MACROD2: variants seen among roughly 807,000 people sequenced by gnomAD.
MACROD2 encodes the protein ADP-ribose glycohydrolase MACROD2.
A neutral mutation model predicts 70.4 loss-of-function variants in MACROD2; 36 were observed. That is an observed-to-expected ratio of 0.51 (90% CI 0.39 to 0.68). The LOEUF is 0.68. Among genes scored for constraint, MACROD2 ranks in the 30% least tolerant of loss-of-function variants. The probability of loss-of-function intolerance (pLI) is 0.00; values close to 1 mark genes in which losing one functional copy is unlikely to be tolerated. For missense variants in MACROD2, 496 were observed against 538.4 expected, an observed-to-expected ratio of 0.92 and a Z score of 0.78; for synonymous variants, 172 against 178.8, an observed-to-expected ratio of 0.96 and a Z score of 0.30.
At chr20:15,626,528 TA>T (rs2049204990) in intron 8 of MACROD2, among the ~76,000 whole-genome samples, 1 of 152,192 alleles carries the variant, frequency 6.6e-6, no homozygotes, top group Non-Finnish European at 1.5e-5. Flanking sequence ...AGGCTAGAGC[TA>T]AAAGGTTTAT....
At chr20:15,544,262 G>A (rs1332568452) in intron 8 of MACROD2, among the ~76,000 whole-genome samples, 1 of 152,180 alleles carries the variant, frequency 6.6e-6, no homozygotes, top group East Asian at 1.9e-4. Flanking sequence ...AATAATAATA[G>A]CACAGCAGAA....
intron 8 of MACROD2, among the ~76,000 whole-genome samples, chr20:15,632,903 T>C (rs1478947097): frequency 1.3e-5 from 2 of 151,360 alleles, no homozygotes; most frequent in Non-Finnish European, 2.9e-5. Flanking sequence ...CCTTCTTTCG[T>C]TCCCTTCTTT....
chr20:15,311,562 A>G, intron 6 of MACROD2, among the ~76,000 whole-genome samples: 1 of 152,238 alleles, frequency 6.6e-6, no homozygotes, highest in East Asian at 1.9e-4. Flanking sequence ...GATTGGATAA[A>G]GAAAACGTGG....
intron 7 of MACROD2, among the ~76,000 whole-genome samples, chr20:15,487,211 A>G (rs754615365): frequency 2.6e-5 from 4 of 152,206 alleles, no homozygotes; most frequent in Non-Finnish European, 4.4e-5. Flanking sequence ...TCAGATGGCA[A>G]AGATAAGCGA....
intron 4 of MACROD2, among the ~76,000 whole-genome samples, chr20:14,569,324 TA>T (rs1035419342): frequency 6.6e-6 from 1 of 151,848 alleles, no homozygotes; most frequent in African/African-American, 2.4e-5. Flanking sequence ...TTTCTTCTCT[TA>T]AAAAAAACTA....
chr20:14,696,209 G>A (rs2071124712), intron 5 of MACROD2, among the ~76,000 whole-genome samples: 1 of 151,972 alleles, frequency 6.6e-6, no homozygotes, highest in Non-Finnish European at 1.5e-5. Context: ...GATAGTCAAA[G>A]AGAACCCAAA....
chr20:14,788,141 G>T (rs2072397758), intron 5 of MACROD2, among the ~76,000 whole-genome samples: 1 of 152,182 alleles, frequency 6.6e-6, no homozygotes, highest in African/African-American at 2.4e-5. Context: ...TAAGCACCAA[G>T]AAATGAATTA....
At chr20:14,536,054 G>A (rs1289177974) in intron 4 of MACROD2, among the ~76,000 whole-genome samples, 6 of 152,074 alleles carry the variant, frequency 3.9e-5, no homozygotes, top group African/African-American at 1.2e-4. Flanking sequence ...AAGGAGCTGG[G>A]GCATGACAGC....
intron 6 of MACROD2, among the ~76,000 whole-genome samples, chr20:15,417,003 A>C (rs2046161212): frequency 6.6e-6 from 1 of 152,210 alleles, no homozygotes; most frequent in Non-Finnish European, 1.5e-5. Flanking sequence ...GATGAAATGG[A>C]ATTGCCCAGT....
At chr20:14,794,226 T>C (rs1325320847) in intron 5 of MACROD2, among the ~76,000 whole-genome samples, 1 of 152,162 alleles carries the variant, frequency 6.6e-6, no homozygotes, top group Non-Finnish European at 1.5e-5. Flanking sequence ...CACATGAATG[T>C]TGAAAGTAAA....
chr20:15,183,654 A>T (rs959114570), intron 5 of MACROD2, among the ~76,000 whole-genome samples: 2 of 152,212 alleles, frequency 1.3e-5, no homozygotes, highest in Non-Finnish European at 2.9e-5. Context: ...GAGAGCAGAG[A>T]GTAAAACCTC....
chr20:15,699,846 T>C (rs535854420), intron 8 of MACROD2, among the ~76,000 whole-genome samples: 10 of 152,228 alleles, frequency 6.6e-5, no homozygotes, highest in African/African-American at 2.4e-4. Flanking sequence ...TACCCCCTGC[T>C]CCTCTGGCCA....
intron 6 of MACROD2, among the ~76,000 whole-genome samples, chr20:15,267,975 C>T (rs1007413153): frequency 5.9e-5 from 9 of 152,176 alleles, no homozygotes; most frequent in South Asian, 2.1e-4. Context: ...TGTGTGTCCA[C>T]GAACCTAATC....
intron 5 of MACROD2, among the ~76,000 whole-genome samples, chr20:14,948,569 T>C (rs915168156): frequency 1.3e-5 from 2 of 152,152 alleles, no homozygotes; most frequent in Non-Finnish European, 2.9e-5. Context: ...GCCGTTCTAA[T>C]GCCAACACAG....
At chr20:15,744,361 G>A (rs1240939944) in intron 8 of MACROD2, among the ~76,000 whole-genome samples, 1 of 152,158 alleles carries the variant, frequency 6.6e-6, no homozygotes, top group East Asian at 1.9e-4. Context: ...GTTAAATGCA[G>A]TTTATTGAAA....
intron 5 of MACROD2, among the ~76,000 whole-genome samples, chr20:14,967,023 G>T (rs746412780): frequency 6.6e-6 from 1 of 151,676 alleles, no homozygotes; most frequent in Non-Finnish European, 1.5e-5. Context: ...GATATGTATT[G>T]ATGGGTGTGT....
At chr20:15,194,329 A>G (rs2076591679) in intron 5 of MACROD2, among the ~76,000 whole-genome samples, 1 of 149,528 alleles carries the variant, frequency 6.7e-6, no homozygotes, top group Non-Finnish European at 1.5e-5. Context: ...AAAGAATTGT[A>G]TCAACCATAC....
chr20:14,486,466 A>T (rs975790297), intron 3 of MACROD2, among the ~76,000 whole-genome samples: 3 of 150,216 alleles, frequency 2.0e-5, no homozygotes, highest in Admixed American at 1.3e-4. Context: ...AGTATAGAGA[A>T]TGGGTTTTGA....
At chr20:15,465,540 A>G (rs2046874489) in intron 7 of MACROD2, among the ~76,000 whole-genome samples, 1 of 152,270 alleles carries the variant, frequency 6.6e-6, no homozygotes, top group Non-Finnish European at 1.5e-5. Flanking sequence ...TAACTTTAGA[A>G]CAGATGAATA....
Sources: allele counts gnomAD v4.1 joint callset (sites outside exome capture counted in the v4.1 genomes callset), GRCh38; gene constraint gnomAD v4.1.1; transcripts MANE v1.5; gene names NCBI Gene and HGNC (gene_info 2026-07-23, HGNC 2026-07-21).